The following LIMA1 variants were observed in gnomAD, a reference collection of about 807,000 sequenced individuals.
The protein encoded by LIMA1 is LIM domain and actin-binding protein 1.
LIMA1 carries 52 observed loss-of-function variants against 62.6 expected under a neutral mutation model. The ratio of observed to expected loss-of-function variants is 0.83; its 90% CI spans 0.67 to 1.05. LIMA1 has a LOEUF of 1.05. Among genes scored for constraint, LIMA1 ranks in the 50% least tolerant of loss-of-function variants. LIMA1 has a pLI of 0.00. For missense variants in LIMA1, 780 were observed against 902.2 expected (o/e 0.86, Z 1.74); for synonymous variants, 302 against 317.8 (o/e 0.95, Z 0.53).
Position 50,261,042 on chromosome 12 carries a change from A to ATTTTT in LIMA1, c.-23-12273_-23-12269dup, listed in dbSNP as rs71083524. Among the ~76,000 whole-genome samples the ATTTTT allele has an allele frequency of 3.0e-3, 162 of 54,282 alleles. 15 individuals are homozygous for ATTTTT. The highest frequency in any genetic ancestry group is 7.3e-3 in the African/African-American group (102 of 13,936). 35.6% of individuals were successfully genotyped at this position (54,282 alleles called of 152,430 possible). A position where few individuals can be genotyped will look rare whatever the true frequency, so the allele number is the denominator to read the frequency against. On this transcript the variant is annotated intron_variant, in intron 1 of 10. Transcript: ENST00000341247. ...CTTTTGCTTTTCTGCCATCTAGTAT[A>ATTTTT]TTTTTTTTTTTTTTTTTTTTTTTTT... is the stretch of plus-strand genomic sequence containing the variant.
rs113056903 is a variant in LIMA1 at position 50,282,847 on chromosome 12, C to A, written c.-24+573G>T. 2.0e-3 allele frequency among the ~76,000 whole-genome samples: 307 copies of A among 152,276 alleles called. 1 individual carries two copies. Among genetic ancestry groups the A allele is most frequent in the African/African-American group, 7.0e-3 (291 of 41,558 alleles). Reference sequence around the variant, plus strand: ...TGTGTAGCCAGGGGTGTACAATTACCTTACATTAACACCAACATATGTCGG... The same window carrying A: ...TGTGTAGCCAGGGGTGTACAATTACATTACATTAACACCAACATATGTCGG... On this transcript the variant is annotated intron_variant, in intron 1 of 10. Coordinates refer to ENST00000341247, the MANE Select transcript of LIMA1 (RefSeq NM_016357.5).
intron 7 of LIMA1, 134 bp from the exon 8 acceptor site, chr12:50,196,021 G>A: frequency 1.2e-6 from 1 of 846,866 alleles, no homozygotes; most frequent in South Asian, 2.0e-5. Context: ...GGAAATAACG[G>A]GCACCAGAAC....
intron 1 of LIMA1, among the ~76,000 whole-genome samples, chr12:50,267,728 C>T (rs960024412): frequency 6.6e-6 from 1 of 151,412 alleles, no homozygotes; most frequent in African/African-American, 2.4e-5. Flanking sequence ...CCATGTTGGC[C>T]AGGATGGTTT....
intron 2 of LIMA1, among the ~76,000 whole-genome samples, chr12:50,245,786 A>G (rs1384359460): frequency 1.3e-5 from 2 of 152,094 alleles, no homozygotes; most frequent in Non-Finnish European, 2.9e-5. Context: ...GAAGGGGAGG[A>G]TAACAGTGCA....
chr12:50,200,838 T>G lies in LIMA1; in HGVS notation c.911A>C (p.Glu304Ala). ...SGGEIKIHKM[E>A]QKENVPPGPE... The stretch of plus-strand genomic sequence containing the variant: ...ACCTGGGGGCACATTCTCCTTTTGC[T>G]CCATTTTATGAATTTTGATTTCGCC... Residue 304 changes from glutamate (E) to alanine (A), a missense_variant, in exon 7 of 11, where the codon GAG becomes GCG. By Grantham distance (107) the Glu-to-Ala change is moderately radical. Coordinates refer to ENST00000341247, the MANE Select transcript of LIMA1 (RefSeq NM_016357.5). The G allele has an allele frequency of 6.2e-7, 1 of 1,614,172 alleles. No individual in the cohort carries two copies. The highest frequency in any genetic ancestry group is 8.5e-7 in the Non-Finnish European group (1 of 1,180,008).
intron 4 of LIMA1, among the ~76,000 whole-genome samples, chr12:50,216,732 C>T (rs1214017320): frequency 1.3e-5 from 2 of 152,014 alleles, no homozygotes; most frequent in African/African-American, 2.4e-5. Context: ...GGAATGGCAG[C>T]GGACACCTGT....
chr12:50,227,120 T>C (rs562667234), intron 3 of LIMA1, among the ~76,000 whole-genome samples: 2 of 152,164 alleles, frequency 1.3e-5, no homozygotes, highest in South Asian at 2.1e-4. Flanking sequence ...GACAGAGTTA[T>C]AGAACTTATC....
chr12:50,221,120 G>A (rs1941432331), intron 4 of LIMA1, among the ~76,000 whole-genome samples: 1 of 151,962 alleles, frequency 6.6e-6, no homozygotes, highest in East Asian at 1.9e-4. Context: ...CAAACATAGG[G>A]ACTTGGGCCA....
chr12:50,222,329 C>T lies in LIMA1; in HGVS notation c.322G>A (p.Val108Met), dbSNP rs781269325. ...RHRADHPPAE[V>M]TSHAASGAKA... ...GCTCCAGAAGCAGCGTGGCTTGTCACTTCAGCAGGAGGATGGTCTGCTCTG... is the reference window on the plus strand; with the variant it reads ...GCTCCAGAAGCAGCGTGGCTTGTCATTTCAGCAGGAGGATGGTCTGCTCTG... The change falls in exon 4 of 11, where the codon GTG (valine) becomes ATG (methionine). Residue 108 changes from valine (V) to methionine (M), a missense_variant. By Grantham distance (21) the Val-to-Met change is conservative (BLOSUM62 1). Transcript: ENST00000341247. The T allele has an allele frequency of 6.2e-7, 1 of 1,614,172 alleles. No individual in the cohort carries two copies. Among genetic ancestry groups the T allele is most frequent in the Non-Finnish European group, 8.5e-7 (1 of 1,180,032 alleles).
intron 3 of LIMA1, among the ~76,000 whole-genome samples, chr12:50,223,624 T>C (rs906730953): frequency 6.6e-6 from 1 of 152,156 alleles, no homozygotes; most frequent in East Asian, 1.9e-4. Flanking sequence ...TTTACATATC[T>C]AAGAGAGTTC....
intron 1 of LIMA1, among the ~76,000 whole-genome samples, chr12:50,277,534 A>T (rs1169027756): frequency 6.6e-6 from 1 of 152,200 alleles, no homozygotes; most frequent in East Asian, 1.9e-4. Flanking sequence ...CTCATTTTAC[A>T]GATGAGGCTC....
At chr12:50,247,378 C>T (rs1941864908) in intron 2 of LIMA1, among the ~76,000 whole-genome samples, 1 of 151,720 alleles carries the variant, frequency 6.6e-6, no homozygotes, top group South Asian at 2.1e-4. Flanking sequence ...GGATGATTGC[C>T]CTGGGAACTG....
chr12:50,185,617 C>T (rs1452698079), intron 9 of LIMA1: 3 of 392,362 alleles, frequency 7.6e-6, no homozygotes, highest in African/African-American at 4.2e-5. Flanking sequence ...ATCAGCCTCA[C>T]TCGTATCTAC....
intron 1 of LIMA1, among the ~76,000 whole-genome samples, chr12:50,260,500 A>C (rs1413923332): frequency 6.6e-6 from 1 of 152,204 alleles, no homozygotes. Context: ...TCCAATATGC[A>C]ACGTAACATA....
intron 1 of LIMA1, among the ~76,000 whole-genome samples, chr12:50,268,063 T>G (rs1356984758): frequency 6.6e-6 from 1 of 152,214 alleles, no homozygotes; most frequent in Non-Finnish European, 1.5e-5. Context: ...CCTTGTACAA[T>G]TGGATTTGCC....
intron 1 of LIMA1, among the ~76,000 whole-genome samples, chr12:50,255,721 G>GA (rs35349128): frequency 0.37 from 51,847 of 141,770 alleles, 9,285 homozygotes; most frequent in South Asian, 0.54. Context: ...GCAATTAAAA[G>GA]AAAAAAAAAA....
In LIMA1 at chr12:50,263,630, T is replaced by C. The variant is rs767179914; in HGVS notation, c.-23-14856A>G. 2.2e-4 allele frequency among the ~76,000 whole-genome samples: 33 copies of C among 152,032 alleles called. No individual in the cohort carries two copies. In the Middle Eastern group the frequency reaches 0.024, roughly 110 times the overall value. On this transcript the variant is annotated intron_variant, in intron 1 of 10. Transcript: ENST00000341247. Reference sequence around the variant, plus strand: ...CTTATTGTGGGGTATAGTTAAAATATAGTTTGACAAGTGTTAGCGAGGACG... The same window carrying C: ...CTTATTGTGGGGTATAGTTAAAATACAGTTTGACAAGTGTTAGCGAGGACG...
rs571887215 is a variant in LIMA1, at chr12:50,184,092, G to A, written c.1141-2055C>T. ...GGAAATGGCTAGTTACCAGGACTCTGCTTTATTCTAGGGGCAATGTCCTAA... is the reference window on the plus strand; with the variant it reads ...GGAAATGGCTAGTTACCAGGACTCTACTTTATTCTAGGGGCAATGTCCTAA... On this transcript the variant is annotated intron_variant, in intron 9 of 10. Transcript: ENST00000341247. Among the ~76,000 whole-genome samples the A allele has an allele frequency of 3.9e-5, 6 of 152,224 alleles. No homozygotes were observed. The South Asian group carries it at 1.2e-3, about 32-fold the overall frequency.
intron 2 of LIMA1, chr12:50,234,032 ATAAT>A: frequency 2.3e-6 from 1 of 431,608 alleles, no homozygotes; most frequent in African/African-American, 2.1e-5. Context: ...GATTTCATAA[ATAAT>A]TATTTGTTAT....
Sources: gnomAD v4.1 joint callset for allele counts (sites outside exome capture counted in the v4.1 genomes callset) on GRCh38, gnomAD v4.1.1 for gene constraint, MANE v1.5 for transcripts, NCBI Gene and HGNC (gene_info 2026-07-23, HGNC 2026-07-21) for gene names.